Variants in TGM7 observed in about 807,000 individuals in gnomAD.
TGM7 encodes transglutaminase 7.
TGM7 carries 74 observed loss-of-function variants against 79.5 expected under a neutral mutation model. The ratio of observed to expected loss-of-function variants is 0.93; its 90% CI spans 0.77 to 1.13. TGM7 has a LOEUF of 1.13. Among genes scored for constraint, TGM7 ranks in the 50% most tolerant of loss-of-function variants. The pLI, the probability that TGM7 is intolerant of heterozygous loss-of-function variation, is 0.00. For missense variants in TGM7, 912 were observed against 905.9 expected, an observed-to-expected ratio of 1.01 and a Z score of -0.09; for synonymous variants, 354 against 362.5, an observed-to-expected ratio of 0.98 and a Z score of 0.27.
At chr15:43,277,153 T>A (rs1448314547) in intron 11 of TGM7, 158 bp from the exon 12 acceptor site, 3 of 916,744 alleles carry the variant, frequency 3.3e-6, no homozygotes, top group Non-Finnish European at 4.8e-6. Flanking sequence ...TGAGAGTACT[T>A]GAGATTAACA....
Position 43,282,042 on chromosome 15 carries a change from CT to C in TGM7, c.1152del (p.Asp386MetfsTer15), listed in dbSNP as rs2042912288. ...GTGTCATAGGCCAGGTGGACATCCC[CT>C]TCCCTGATGGCCTTCACAGAGGCAG... is the stretch of plus-strand genomic sequence containing the variant. ...CGPASVKAIREGDVHLAYDTP... is the reference protein window; with the variant it reads ...CGPASVKAIRXGDVHLAYDTP... On this transcript the variant is annotated frameshift_variant, in exon 9 of 13. Coordinates refer to ENST00000452443, the MANE Select transcript of TGM7 (RefSeq NM_052955.3). LOFTEE classifies it high-confidence loss of function. The C allele has an allele frequency of 2.5e-6, 4 of 1,614,042 alleles. No homozygotes were observed. The highest frequency in any genetic ancestry group is 1.6e-4 in the Middle Eastern group (1 of 6,084).
intron 10 of TGM7, 62 bp from the exon 11 acceptor site, chr15:43,279,339 A>G (rs2042894350): frequency 1.3e-6 from 2 of 1,532,026 alleles, no homozygotes; most frequent in South Asian, 2.4e-5. Flanking sequence ...GGGGACATGT[A>G]GATGTGAGAG....
Position 43,281,851 on chromosome 15 carries a change from G to A in TGM7, c.1344C>T (p.Tyr448=). The change falls in exon 9 of 13, where the codon TAC becomes TAT. Residue 448 remains tyrosine, a synonymous_variant. Transcript: ENST00000452443. ...QRQSITSSYK[Y]PEGSPEERAV... Reference sequence around the variant, plus strand: ...CAAATACCCGCCCAGCACCTTCTGGGTACTTGTAGGAGCTGGTGATGCTCT... The same window carrying A: ...CAAATACCCGCCCAGCACCTTCTGGATACTTGTAGGAGCTGGTGATGCTCT... The A allele has an allele frequency of 1.2e-6, 2 of 1,614,102 alleles. No individual in the cohort carries two copies. The highest frequency in any genetic ancestry group is 1.7e-6 in the Non-Finnish European group (2 of 1,179,946).
At chr15:43,285,049 G>T in intron 6 of TGM7, 97 bp from the exon 7 acceptor site, 1 of 1,444,622 alleles carries the variant, frequency 6.9e-7, no homozygotes, top group Non-Finnish European at 9.5e-7. Flanking sequence ...AGGAGAGAAA[G>T]CCAAGACGCT....
chr15:43,290,850 G>A (rs1343006648), intron 4 of TGM7, among the ~76,000 whole-genome samples: 1 of 152,152 alleles, frequency 6.6e-6, no homozygotes, highest in Admixed American at 6.5e-5. Context: ...GTTCACTCAT[G>A]ATTTGACTCT....
chr15:43,296,697 A>G (rs1007836511), intron 1 of TGM7, among the ~76,000 whole-genome samples: 18 of 152,106 alleles, frequency 1.2e-4, no homozygotes, highest in African/African-American at 4.3e-4. Context: ...AGCCAACTCA[A>G]TTTTCCCCTA....
At chr15:43,293,053 G>A in intron 2 of TGM7, 99 bp from the exon 3 acceptor site, 1 of 1,507,520 alleles carries the variant, frequency 6.6e-7, no homozygotes, top group Non-Finnish European at 8.9e-7. Flanking sequence ...CCCACCACCT[G>A]CTAATGCTTT....
intron 6 of TGM7, 106 bp downstream of exon 6, chr15:43,287,174 C>T: frequency 1.4e-6 from 2 of 1,383,788 alleles, no homozygotes; most frequent in South Asian, 2.8e-5. Flanking sequence ...TGCCCACCAC[C>T]CCCAGCTGTG....
chr15:43,276,343 A>G lies in TGM7; in HGVS notation c.*112T>C, dbSNP rs2142398658. ...CGGTGTTTCTAACAGAGCTTCATTC[A>G]TTCCCAGGCAGGCTAGAGAGAGGAC... On this transcript the variant is annotated 3_prime_UTR_variant, in exon 13 of 13. Coordinates refer to ENST00000452443, the MANE Select transcript of TGM7 (RefSeq NM_052955.3). 2 of 1,274,330 alleles carry G rather than the reference A, an allele frequency of 1.6e-6. No homozygotes were observed. The highest frequency in any genetic ancestry group is 2.4e-5 in the East Asian group (1 of 41,968). The allele number at this position is 1,274,330 out of a possible 1,614,324, so 78.9% of individuals were successfully genotyped here. A position where few individuals can be genotyped will look rare whatever the true frequency, so the allele number is the denominator to read the frequency against.
At chr15:43,293,366 A>G (rs1462435873) in intron 2 of TGM7, 83 bp downstream of exon 2, 18 of 1,488,146 alleles carry the variant, frequency 1.2e-5, no homozygotes, top group Middle Eastern at 2.0e-4. Context: ...CTCAGGTGGG[A>G]AAGGCAGGGG....
At position 43,279,806 on chromosome 15, in the gene TGM7, T is replaced by C. The variant is rs752276710; in HGVS notation, c.1497A>G (p.Ile499Met). 30 of 1,614,038 alleles carry C rather than the reference T, an allele frequency of 1.9e-5. No homozygotes were observed. Among genetic ancestry groups the C allele is most frequent in the Admixed American group, 6.7e-5 (4 of 60,008 alleles). ...PAQLQLHLAR[I>M]PEWGQDLQLL... ...GCTGCAGGTCCTGGCCCCACTCGGG[T>C]ATCCTGGCCAGGTGAAGCTGCAGCT... is the stretch of plus-strand genomic sequence containing the variant. Residue 499 changes from isoleucine to methionine, a missense_variant, in exon 10 of 13, where the codon ATA becomes ATG. Transcript: ENST00000452443.
At chr15:43,289,466 T>C (rs2042953909) in intron 4 of TGM7, among the ~76,000 whole-genome samples, 2 of 152,230 alleles carry the variant, frequency 1.3e-5, no homozygotes, top group South Asian at 4.1e-4. Context: ...TCTATCATTG[T>C]TGGACATGTG....
At chr15:43,276,662 C>A in intron 12 of TGM7, 48 bp from the exon 13 acceptor site, 1 of 1,584,628 alleles carries the variant, frequency 6.3e-7, no homozygotes, top group South Asian at 1.2e-5. Flanking sequence ...TTCCTGCTGG[C>A]GGCAGGGGTG....
At chr15:43,293,931 G>C (rs978129187) in intron 1 of TGM7, among the ~76,000 whole-genome samples, 1 of 136,400 alleles carries the variant, frequency 7.3e-6, no homozygotes, top group African/African-American at 2.9e-5. Flanking sequence ...TGGGGTGTGC[G>C]GGGGGATCGG....
At position 43,276,390 on chromosome 15, in the gene TGM7, T is replaced by A; in HGVS notation, c.*65A>T. 6 of 1,549,962 alleles carry A rather than the reference T, an allele frequency of 3.9e-6. No individual in the cohort carries two copies. Among genetic ancestry groups the A allele is most frequent in the Non-Finnish European group, 5.2e-6 (6 of 1,148,096 alleles). On this transcript the variant is annotated 3_prime_UTR_variant, in exon 13 of 13. Transcript: ENST00000452443. The stretch of plus-strand genomic sequence containing the variant: ...GGACAGAGGTGGAGCCAAGACGACA[T>A]AGCCAGGAGTAGAAAGGAGCCAGGT...
chr15:43,283,921 C>A (rs1198493792), intron 7 of TGM7, among the ~76,000 whole-genome samples: 1 of 152,180 alleles, frequency 6.6e-6, no homozygotes, highest in Non-Finnish European at 1.5e-5. Context: ...GGAATCTTAC[C>A]TGGAGGCTGG....
intron 4 of TGM7, among the ~76,000 whole-genome samples, 165 bp downstream of exon 4, chr15:43,291,814 C>G (rs1393175219): frequency 6.6e-6 from 1 of 152,232 alleles, no homozygotes; most frequent in Non-Finnish European, 1.5e-5. Context: ...CCCTTCCTTC[C>G]TTGCCCCTCT....
chr15:43,279,957 G>T lies in TGM7; in HGVS notation c.1352-6C>A, dbSNP rs755146236. 6.2e-7 allele frequency: 1 copy of T among 1,612,134 alleles called. No individual in the cohort carries two copies. The highest frequency in any genetic ancestry group is 2.2e-5 in the East Asian group (1 of 44,866). On this transcript the variant is annotated splice_polypyrimidine_tract_variant and splice_region_variant and intron_variant, in intron 9 of 12. Coordinates refer to ENST00000452443, the MANE Select transcript of TGM7 (RefSeq NM_052955.3). ...AGCTCTCTCCTCAGGGGATCCTGCA[G>T]AAGGGAGAGGTAGGAGAGACATGCA...
At chr15:43,295,272 C>T (rs1207786887) in intron 1 of TGM7, among the ~76,000 whole-genome samples, 2 of 152,192 alleles carry the variant, frequency 1.3e-5, no homozygotes, top group Non-Finnish European at 2.9e-5. Flanking sequence ...GCTCTTTCTT[C>T]CATGTTAACA....
Sources: gnomAD v4.1 joint callset for allele counts (sites outside exome capture counted in the v4.1 genomes callset) on GRCh38, gnomAD v4.1.1 for gene constraint, MANE v1.5 for transcripts, NCBI Gene and HGNC (gene_info 2026-07-23, HGNC 2026-07-21) for gene names.